The following DNAH17 variants were observed in gnomAD, a reference collection of about 807,000 sequenced individuals.
DNAH17 encodes axonemal beta dynein heavy chain 17.
A neutral mutation model predicts 485.6 loss-of-function variants in DNAH17; 376 were observed. The ratio of observed to expected loss-of-function variants is 0.77; its 90% CI spans 0.71 to 0.84. The LOEUF (loss-of-function observed/expected upper bound fraction) is 0.84, where lower values mean the gene tolerates loss of function less well. Ranked by LOEUF, DNAH17 falls within the 40% of genes least tolerant of loss-of-function variation. The pLI, the probability that DNAH17 is intolerant of heterozygous loss-of-function variation, is 0.00. For missense variants in DNAH17, 6,370 were observed against 5,839.3 expected (o/e 1.09, Z -2.96); for synonymous variants, 3,031 against 2,405.9 (o/e 1.26, Z -7.60).
chr17:78,484,806 C>T, intron 48 of DNAH17, 62 bp downstream of exon 48: 1 of 1,438,560 alleles, frequency 7.0e-7, no homozygotes, highest in Non-Finnish European at 9.2e-7. Flanking sequence ...CTGCGCCCCG[C>T]CCTGGCCCCG....
intron 75 of DNAH17, among the ~76,000 whole-genome samples, chr17:78,429,798 G>A (rs1364149886): frequency 6.6e-6 from 1 of 152,200 alleles, no homozygotes; most frequent in Non-Finnish European, 1.5e-5. Flanking sequence ...TGGCCACGAA[G>A]TCGTTAGTCA....
Position 78,485,537 on chromosome 17 carries a change from G to A in DNAH17, c.7483+13C>T, listed in dbSNP as rs745728047. ...GCAGCCGGGTAGGCAGGGCGTGGCCGGACCAGCCTCACCCTGCAGCATGGC... is the reference window on the plus strand; with the variant it reads ...GCAGCCGGGTAGGCAGGGCGTGGCCAGACCAGCCTCACCCTGCAGCATGGC... On this transcript the variant is annotated intron_variant, in intron 47 of 80. Coordinates refer to ENST00000389840, the MANE Select transcript of DNAH17 (RefSeq NM_173628.4). The A allele has an allele frequency of 1.6e-5, 26 of 1,582,396 alleles. No homozygotes were observed. The highest frequency in any genetic ancestry group is 6.9e-5 in the South Asian group (6 of 86,828).
At chr17:78,509,864 C>T (rs2090585478) in intron 27 of DNAH17, among the ~76,000 whole-genome samples, 1 of 152,172 alleles carries the variant, frequency 6.6e-6, no homozygotes, top group African/African-American at 2.4e-5. Flanking sequence ...AGAGCTATAG[C>T]CGCAAATTGG....
At chr17:78,484,066 A>C (rs2089470404) in intron 48 of DNAH17, among the ~76,000 whole-genome samples, 1 of 123,406 alleles carries the variant, frequency 8.1e-6, no homozygotes, top group African/African-American at 3.1e-5. Flanking sequence ...ATTGCACTCC[A>C]GCCTGAGAGA....
intron 17 of DNAH17, among the ~76,000 whole-genome samples, chr17:78,541,379 G>A (rs1347458024): frequency 6.7e-6 from 1 of 148,562 alleles, no homozygotes; most frequent in Non-Finnish European, 1.5e-5. Flanking sequence ...ATGTGTAAGT[G>A]GATGGATGGA....
intron 75 of DNAH17, among the ~76,000 whole-genome samples, chr17:78,430,456 C>G (rs1394699363): frequency 1.3e-5 from 2 of 152,220 alleles, no homozygotes; most frequent in African/African-American, 4.8e-5. Flanking sequence ...CATAACATCA[C>G]TTCCACTGTG....
chr17:78,566,911 G>T, intron 10 of DNAH17, 88 bp downstream of exon 10: 3 of 1,473,382 alleles, frequency 2.0e-6, no homozygotes, highest in Non-Finnish European at 2.7e-6. Flanking sequence ...CTTCCTCCGT[G>T]TGCCCTCCCA....
intron 27 of DNAH17, among the ~76,000 whole-genome samples, 162 bp from the exon 28 acceptor site, chr17:78,507,967 T>C (rs2090533872): frequency 6.6e-6 from 1 of 152,094 alleles, no homozygotes; most frequent in Non-Finnish European, 1.5e-5. Context: ...ACCCGAACCT[T>C]CATCCCCCAA....
chr17:78,486,436 T>C lies in DNAH17; in HGVS notation c.6889A>G (p.Lys2297Glu). Reference sequence around the variant, plus strand: ...TTGTCCAGGCACGTGGGCAGGTACTTGTCAAAGAGGATCATCAGGTTGGCC... The same window carrying C: ...TTGTCCAGGCACGTGGGCAGGTACTCGTCAAAGAGGATCATCAGGTTGGCC... ...EKANLMILFD[K>E]YLPTCLDKLR... Residue 2297 changes from lysine (K) to glutamate (E), a missense_variant, in exon 45 of 81, where the codon AAG (lysine) becomes GAG (glutamate). By Grantham distance (56) the Lys-to-Glu change is moderately conservative (BLOSUM62 1). Coordinates refer to ENST00000389840, the MANE Select transcript of DNAH17 (RefSeq NM_173628.4). The C allele has an allele frequency of 6.2e-7, 1 of 1,613,682 alleles. No individual in the cohort carries two copies. The highest frequency in any genetic ancestry group is 8.5e-7 in the Non-Finnish European group (1 of 1,179,872).
At position 78,490,955 on chromosome 17, in the gene DNAH17, C is replaced by A. The variant is rs577417664; in HGVS notation, c.6670-108G>T. The A allele has an allele frequency of 3.8e-6, 5 of 1,328,076 alleles. No individual in the cohort carries two copies. In the South Asian group the frequency reaches 7.6e-5, roughly 20 times the overall value. 82.3% of individuals were successfully genotyped at this position (1,328,076 alleles called of 1,614,324 possible). On this transcript the variant is annotated intron_variant, in intron 43 of 80. Coordinates refer to ENST00000389840, the MANE Select transcript of DNAH17 (RefSeq NM_173628.4). ...CAAACCTCCGAGCAAGGAGGAGGGG[C>A]CCAGGCCAGCCCTGCCACCCCTGGC... is the stretch of plus-strand genomic sequence containing the variant.
chr17:78,462,886 C>G lies in DNAH17; in HGVS notation c.9132G>C (p.Arg3044Ser). 6.2e-7 allele frequency: 1 copy of G among 1,613,958 alleles called. No individual in the cohort carries two copies. Among genetic ancestry groups the G allele is most frequent in the African/African-American group, 1.3e-5 (1 of 75,028 alleles). Residue 3044 changes from arginine (R) to serine (S), a missense_variant, in exon 57 of 81, where the codon AGG (arginine) becomes AGC (serine). Physicochemically the swap from Arg to Ser is moderately radical, Grantham distance 110. Coordinates refer to ENST00000389840, the MANE Select transcript of DNAH17 (RefSeq NM_173628.4). Reference protein sequence around the residue: ...KRTELVAKIERLENGLMKLQS... With the variant: ...KRTELVAKIESLENGLMKLQS... ...GCAGCTTCATCAGGCCGTTCTCCAGCCTCTCGATTTTGGCAACAAGTTCCG... is the reference window on the plus strand; with the variant it reads ...GCAGCTTCATCAGGCCGTTCTCCAGGCTCTCGATTTTGGCAACAAGTTCCG...
Position 78,444,638 on chromosome 17 carries a change from A to G in DNAH17, c.11494T>C (p.Cys3832Arg), listed in dbSNP as rs1431184508. The change falls in exon 71 of 81, where the codon TGC (cysteine) becomes CGC (arginine). Residue 3832 changes from cysteine (C) to arginine (R), a missense_variant. Physicochemically the swap from Cys to Arg is radical, Grantham distance 180. Coordinates refer to ENST00000389840, the MANE Select transcript of DNAH17 (RefSeq NM_173628.4). ...TALQKLCMVR[C>R]LRPDRMTYAI... ...TAGGTCATGCGATCTGGCCGCAGGCAGCGCACCATGCACAGCTTCTGCAGG... is the reference window on the plus strand; with the variant it reads ...TAGGTCATGCGATCTGGCCGCAGGCGGCGCACCATGCACAGCTTCTGCAGG... 6.3e-7 allele frequency: 1 copy of G among 1,596,120 alleles called. No homozygotes were observed. The highest frequency in any genetic ancestry group is 1.1e-5 in the South Asian group (1 of 88,116).
chr17:78,428,586 A>G lies in DNAH17; in HGVS notation c.12527T>C (p.Leu4176Pro). Residue 4176 changes from leucine (L) to proline (P), a missense_variant, in exon 77 of 81, where the codon CTG (leucine) becomes CCG (proline). Coordinates refer to ENST00000389840, the MANE Select transcript of DNAH17 (RefSeq NM_173628.4). ...GTCCGTCTCTTTTGGCTGCATTTCC[A>G]GGACAGTGCGGAACAGCTTCTCTGA... ...VTSEKLFRTVLEMQPKETDSG... is the reference protein window; with the variant it reads ...VTSEKLFRTVPEMQPKETDSG... The G allele has an allele frequency of 6.2e-7, 1 of 1,613,768 alleles. No homozygotes were observed. The highest frequency in any genetic ancestry group is 8.5e-7 in the Non-Finnish European group (1 of 1,179,844).
intron 69 of DNAH17, among the ~76,000 whole-genome samples, chr17:78,448,587 G>A (rs965929014): frequency 1.3e-5 from 2 of 152,194 alleles, no homozygotes; most frequent in African/African-American, 4.8e-5. Flanking sequence ...ATGGCACAGT[G>A]TAAAGGAAAT....
In DNAH17 at chr17:78,507,813, G is replaced by A. The variant is rs1247169432; in HGVS notation, c.4237-8C>T. On this transcript the variant is annotated splice_polypyrimidine_tract_variant and splice_region_variant and intron_variant, in intron 27 of 80. Transcript: ENST00000389840. Reference sequence around the variant, plus strand: ...GTCCAGGGCTTTCAGCACCTTTTGGGGGAACAGAAAAATAAGGTCACTGAG... The same window carrying A: ...GTCCAGGGCTTTCAGCACCTTTTGGAGGAACAGAAAAATAAGGTCACTGAG... 1.9e-6 allele frequency: 3 copies of A among 1,541,606 alleles called. No homozygotes were observed. The highest frequency in any genetic ancestry group is 2.4e-5 in the South Asian group (2 of 85,102).
At chr17:78,554,558 C>A (rs1473980862) in intron 14 of DNAH17, among the ~76,000 whole-genome samples, 3 of 136,660 alleles carry the variant, frequency 2.2e-5, no homozygotes, top group African/African-American at 8.2e-5. Context: ...CAAAACAGAA[C>A]AAACAAGGGA....
At chr17:78,558,340 TG>T in intron 13 of DNAH17, 86 bp from the exon 14 acceptor site, 1 of 1,490,508 alleles carries the variant, frequency 6.7e-7, no homozygotes, top group Middle Eastern at 1.7e-4. Context: ...GCATCTGCCC[TG>T]GGATGTTTTG....
At chr17:78,530,213 T>TGGG in intron 21 of DNAH17, 130 bp downstream of exon 21, 2 of 1,179,978 alleles carry the variant, frequency 1.7e-6, no homozygotes, top group Non-Finnish European at 2.3e-6. Context: ...TAGTTGGCCT[T>TGGG]GAAGCCCAGC....
intron 48 of DNAH17, among the ~76,000 whole-genome samples, chr17:78,482,957 A>G (rs2146631402): frequency 6.6e-6 from 1 of 152,328 alleles, no homozygotes; most frequent in South Asian, 2.1e-4. Context: ...ACAAGGGCAC[A>G]TGACCGTGTG....
Sources: gnomAD v4.1 joint callset for allele counts (sites outside exome capture counted in the v4.1 genomes callset) on GRCh38, gnomAD v4.1.1 for gene constraint, MANE v1.5 for transcripts, NCBI Gene and HGNC (gene_info 2026-07-23, HGNC 2026-07-21) for gene names.